The following ABL2 variants were observed in gnomAD, a reference collection of about 807,000 sequenced individuals.
The protein encoded by ABL2 is ABL proto-oncogene 2, non-receptor tyrosine kinase, also known as tyrosine-protein kinase ABL2.
In ABL2, 49 loss-of-function variants were observed where a neutral mutation model predicts 107.7. The ratio of observed to expected loss-of-function variants is 0.45; its 90% CI spans 0.36 to 0.58. The LOEUF (loss-of-function observed/expected upper bound fraction) is 0.58. ABL2 is among the 20% of genes least tolerant of loss of function. The pLI is 0.00. For synonymous variants in ABL2, 549 were observed against 548.6 expected, an observed-to-expected ratio of 1.00 and a Z score of -0.01; for missense variants, 1,245 against 1,457.0, an observed-to-expected ratio of 0.85 and a Z score of 2.37.
intron 1 of ABL2, among the ~76,000 whole-genome samples, chr1:179,164,392 T>G (rs921723346): frequency 1.3e-5 from 2 of 152,210 alleles, no homozygotes; most frequent in Admixed American, 1.3e-4. Flanking sequence ...ATAATTACCT[T>G]CTGCTCAGAA....
At chr1:179,144,353 G>A (rs1045272560) in intron 1 of ABL2, among the ~76,000 whole-genome samples, 15 of 151,944 alleles carry the variant, frequency 9.9e-5, no homozygotes, top group Admixed American at 2.0e-4. Flanking sequence ...CCAGCTACTC[G>A]GGAGGCTGAG....
chr1:179,109,404 T>C lies in ABL2; in HGVS notation c.1863A>G (p.Pro621=), dbSNP rs775678507. The C allele has an allele frequency of 6.2e-6, 10 of 1,613,994 alleles. No homozygotes were observed. In the Admixed American group the frequency reaches 1.5e-4, roughly 24 times the overall value. Residue 621 remains proline (P), a synonymous_variant, in exon 12 of 12, where the codon CCA becomes CCG. Coordinates refer to ENST00000502732, the MANE Select transcript of ABL2 (RefSeq NM_007314.4). ...IRGAQASSGS[P]ALPRKQRDKS... ...TGTCTCTTTGCTTTCGAGGCAGTGC[T>C]GGGGATCCACTAGAGGCCTGTGCAC...
rs1656966028 is a variant in ABL2 at position 179,136,264 on chromosome 1, G to C, written c.158-2890C>G. ...ATGACAATGGCGGTTTTGTGGAATA[G>C]AAAGGGGGGAAAGGTGGGGAAAAGA... On this transcript the variant is annotated intron_variant, in intron 1 of 11. Coordinates refer to ENST00000502732, the MANE Select transcript of ABL2 (RefSeq NM_007314.4). Among the ~76,000 whole-genome samples the C allele has an allele frequency of 2.0e-5, 3 of 151,900 alleles. No homozygotes were observed. In the South Asian group the frequency reaches 6.2e-4, roughly 32 times the overall value.
intron 1 of ABL2, among the ~76,000 whole-genome samples, chr1:179,228,100 C>T (rs1005306464): frequency 7.4e-5 from 11 of 147,894 alleles, no homozygotes; most frequent in African/African-American, 2.7e-4. Flanking sequence ...GGTGGTGGCT[C>T]ACACCCGTAA....
chr1:179,210,519 GA>G (rs939538481), intron 1 of ABL2, among the ~76,000 whole-genome samples: 112 of 102,862 alleles, frequency 1.1e-3, no homozygotes, highest in African/African-American at 2.2e-3. Context: ...AAAAAAAAAA[GA>G]AAAAAAAAAG....
chr1:179,148,811 A>T (rs1208205211), intron 1 of ABL2, among the ~76,000 whole-genome samples: 1 of 151,850 alleles, frequency 6.6e-6, no homozygotes, highest in Non-Finnish European at 1.5e-5. Flanking sequence ...GAGGCAGTAG[A>T]ATTGCTTGAA....
At position 179,120,256 on chromosome 1, in the gene ABL2, C is replaced by G; in HGVS notation, c.979G>C (p.Glu327Gln). The G allele has an allele frequency of 6.2e-7, 1 of 1,607,940 alleles. No homozygotes were observed. The highest frequency in any genetic ancestry group is 8.5e-7 in the Non-Finnish European group (1 of 1,176,774). Residue 327 changes from glutamate to glutamine, a missense_variant, in exon 6 of 12, where the codon GAA becomes CAA. Physicochemically the swap from Glu to Gln is conservative, Grantham distance 29 (BLOSUM62 2). Around this residue, in one of 3 missense-constraint regions of ABL2, gnomAD observed 320 missense variants for 547.0 expected, o/e 0.59. Coordinates refer to ENST00000502732, the MANE Select transcript of ABL2 (RefSeq NM_007314.4). Reference sequence around the variant, plus strand: ...ACTGCAGCTTCTTTCAGGAATTCTTCTACCTCCATGGTATCTTCCTAGAAA... The same window carrying G: ...ACTGCAGCTTCTTTCAGGAATTCTTGTACCTCCATGGTATCTTCCTAGAAA... ...KTLKEDTMEV[E>Q]EFLKEAAVMK...
At chr1:179,202,969 GTA>G (rs1191581214) in intron 1 of ABL2, among the ~76,000 whole-genome samples, 1 of 152,102 alleles carries the variant, frequency 6.6e-6, no homozygotes, top group Non-Finnish European at 1.5e-5. Context: ...AAATTGCTTT[GTA>G]TATGTTTTGG....
chr1:179,162,245 G>A (rs963549102), intron 1 of ABL2, among the ~76,000 whole-genome samples: 22 of 152,236 alleles, frequency 1.4e-4, no homozygotes, highest in African/African-American at 5.3e-4. Flanking sequence ...CAACAATAAA[G>A]AAATGGCTAA....
At chr1:179,155,633 A>T (rs1188081274) in intron 1 of ABL2, among the ~76,000 whole-genome samples, 1 of 151,842 alleles carries the variant, frequency 6.6e-6, no homozygotes, top group Non-Finnish European at 1.5e-5. Context: ...CAGGAGGCTG[A>T]GGCACAAGAA....
intron 1 of ABL2, among the ~76,000 whole-genome samples, chr1:179,210,030 C>T (rs1558001003): frequency 6.6e-6 from 1 of 151,872 alleles, no homozygotes; most frequent in African/African-American, 2.4e-5. Context: ...ACACAGCTAA[C>T]TTTTAATTTT....
At chr1:179,140,334 A>G (rs1340436182) in intron 1 of ABL2, among the ~76,000 whole-genome samples, 2 of 152,216 alleles carry the variant, frequency 1.3e-5, no homozygotes, top group African/African-American at 4.8e-5. Flanking sequence ...ACCAAATGTT[A>G]CCTTCTCAGT....
chr1:179,228,495 C>T (rs1460814262), intron 1 of ABL2, among the ~76,000 whole-genome samples: 1 of 152,078 alleles, frequency 6.6e-6, no homozygotes, highest in Non-Finnish European at 1.5e-5. Flanking sequence ...TATGGGCACA[C>T]GCACACACTA....
chr1:179,208,176 CA>C (rs1248557092), intron 1 of ABL2, among the ~76,000 whole-genome samples: 3 of 151,878 alleles, frequency 2.0e-5, no homozygotes, highest in East Asian at 1.9e-4. Flanking sequence ...CTTTTAAGTT[CA>C]GGGGGTACAT....
chr1:179,130,662 G>C (rs28914522), intron 3 of ABL2, among the ~76,000 whole-genome samples: 1 of 151,770 alleles, frequency 6.6e-6, no homozygotes, highest in Non-Finnish European at 1.5e-5. Flanking sequence ...GTTTATTTCC[G>C]TGGGAAATTC....
chr1:179,113,175 A>G (rs953767106), intron 9 of ABL2, among the ~76,000 whole-genome samples: 2 of 152,208 alleles, frequency 1.3e-5, no homozygotes, highest in Admixed American at 1.3e-4. Flanking sequence ...CGGCCTCCCA[A>G]ACTGCTAGAA....
intron 1 of ABL2, among the ~76,000 whole-genome samples, chr1:179,134,942 C>G (rs531318110): frequency 6.6e-4 from 100 of 152,346 alleles, no homozygotes; most frequent in African/African-American, 1.8e-3. Context: ...GTGTTGGCCG[C>G]GCTGGTCTCC....
intron 1 of ABL2, among the ~76,000 whole-genome samples, chr1:179,160,000 G>C (rs928108557): frequency 1.3e-5 from 2 of 152,100 alleles, no homozygotes; most frequent in Non-Finnish European, 2.9e-5. Context: ...TGTAGTCCCA[G>C]CTACAGGGAA....
intron 1 of ABL2, among the ~76,000 whole-genome samples, chr1:179,222,291 G>A (rs1334307190): frequency 6.6e-6 from 1 of 152,120 alleles, no homozygotes; most frequent in Non-Finnish European, 1.5e-5. Context: ...GTGCAGTGGC[G>A]TGATCTCAGC....
Sources: gnomAD v4.1 joint callset for allele counts (sites outside exome capture counted in the v4.1 genomes callset) on GRCh38, gnomAD v4.1.1 for gene constraint, gnomAD v4.1.1 regional missense constraint, MANE v1.5 for transcripts, NCBI Gene and HGNC (gene_info 2026-07-23, HGNC 2026-07-21) for gene names.